The following AKAP12 variants were observed in gnomAD, a reference collection of about 807,000 sequenced individuals.
AKAP12 encodes the protein A-kinase anchoring protein 12.
A neutral mutation model predicts 79.9 loss-of-function variants in AKAP12; 32 were observed. The observed-to-expected ratio is 0.40, with a 90% confidence interval of 0.30 to 0.54. The LOEUF (loss-of-function observed/expected upper bound fraction) is 0.54. Among genes scored for constraint, AKAP12 ranks in the 20% least tolerant of loss-of-function variants. The pLI, the probability that AKAP12 is intolerant of heterozygous loss-of-function variation, is 0.48. For missense variants in AKAP12, 2,074 were observed against 2,177.0 expected (o/e 0.95, Z 0.94); for synonymous variants, 808 against 857.0 (o/e 0.94, Z 1.00).
At position 151,327,912 on chromosome 6, in the gene AKAP12, A is replaced by G. The variant is rs192923665; in HGVS notation, c.320-20799A>G. ...ATCTTACGTAGTGGAAAAAGTAAAA[A>G]TGAAAGGGAGTTTCAGCTGTCATTT... On this transcript the variant is annotated intron_variant, in intron 3 of 4. Coordinates refer to ENST00000402676, the MANE Select transcript of AKAP12 (RefSeq NM_005100.4). 5.3e-4 allele frequency among the ~76,000 whole-genome samples: 80 copies of G among 152,360 alleles called. 1 individual carries two copies. The highest frequency in any genetic ancestry group is 1.9e-3 in the African/African-American group (77 of 41,588).
chr6:151,306,719 T>TTCTTC (rs1365218592), intron 3 of AKAP12, among the ~76,000 whole-genome samples: 1 of 152,208 alleles, frequency 6.6e-6, no homozygotes, highest in Non-Finnish European at 1.5e-5. Flanking sequence ...TTTCTTCTTG[T>TTCTTC]TTGATGCCCC....
chr6:151,324,531 G>A lies in AKAP12; in HGVS notation c.319+18628G>A, dbSNP rs921775788. 22 of 985,320 alleles carry A rather than the reference G, an allele frequency of 2.2e-5. No individual in the cohort carries two copies. The African/African-American group carries it at 3.7e-4, about 16-fold the overall frequency. The allele number at this position is 985,320 out of a possible 1,614,324, so 61.0% of individuals were successfully genotyped here. A position where few individuals can be genotyped will look rare whatever the true frequency, so the allele number is the denominator to read the frequency against. On this transcript the variant is annotated intron_variant, in intron 3 of 4. Transcript: ENST00000402676. The stretch of plus-strand genomic sequence containing the variant: ...CCTTCTCTTTGCTGTGCCCACTGTG[G>A]TCTACGCCGAGGCTCCCCTCCCTCC...
chr6:151,253,499 T>A (rs767436861), intron 2 of AKAP12, among the ~76,000 whole-genome samples: 1 of 151,966 alleles, frequency 6.6e-6, no homozygotes, highest in Admixed American at 6.6e-5. Flanking sequence ...AAATTAAAAT[T>A]ACAGGCATGA....
chr6:151,240,452 A>C lies in AKAP12; in HGVS notation c.-111A>C. ...GTTCGCAGTCGGCTGGCGGCGAAGG[A>C]AGGCGCTCTCGGGACCTCGCGGGCG... is the stretch of plus-strand genomic sequence containing the variant. On this transcript the variant is annotated 5_prime_UTR_variant, in exon 2 of 5. Coordinates refer to ENST00000402676, the MANE Select transcript of AKAP12 (RefSeq NM_005100.4). 1 of 1,201,706 alleles carries C rather than the reference A, an allele frequency of 8.3e-7. No homozygotes were observed. 74.4% of individuals were successfully genotyped at this position (1,201,706 alleles called of 1,614,324 possible).
chr6:151,348,802 TG>T lies in AKAP12; in HGVS notation c.414del (p.Gln139ArgfsTer7). The T allele has an allele frequency of 1.2e-6, 2 of 1,610,044 alleles. No individual in the cohort carries two copies. The highest frequency in any genetic ancestry group is 1.7e-6 in the Non-Finnish European group (2 of 1,178,394). On this transcript the variant is annotated frameshift_variant, in exon 4 of 5. Transcript: ENST00000402676. LOFTEE classifies it high-confidence loss of function. ...CGGTTGTTCACGACATCACAGATGA[TG>T]GGCAGGAGGAGACACCCGAAATAAT... ...SAVVHDITDD[G>X]QEETPEIIEQ...
At chr6:151,276,617 C>T (rs1447366939) in intron 2 of AKAP12, among the ~76,000 whole-genome samples, 3 of 152,350 alleles carry the variant, frequency 2.0e-5, no homozygotes, top group South Asian at 2.1e-4. Flanking sequence ...TCCCAGTGGA[C>T]GGAGCCTCCC....
chr6:151,266,173 G>T (rs1463359178), intron 2 of AKAP12, among the ~76,000 whole-genome samples: 1 of 152,228 alleles, frequency 6.6e-6, no homozygotes, highest in Admixed American at 6.5e-5. Context: ...ACTTGCATGA[G>T]AAGTGAAGAC....
At chr6:151,292,723 A>T (rs1208802917) in intron 2 of AKAP12, among the ~76,000 whole-genome samples, 1 of 152,198 alleles carries the variant, frequency 6.6e-6, no homozygotes, top group Non-Finnish European at 1.5e-5. Flanking sequence ...ACCTCCCTGT[A>T]TTGCAGCTGT....
At chr6:151,273,384 G>A (rs1050946522) in intron 2 of AKAP12, among the ~76,000 whole-genome samples, 5 of 152,172 alleles carry the variant, frequency 3.3e-5, no homozygotes, top group Admixed American at 3.3e-4. Context: ...TCCCTGTGGG[G>A]TACTATGGTA....
At chr6:151,274,505 T>C (rs1030546899) in intron 2 of AKAP12, among the ~76,000 whole-genome samples, 6 of 152,188 alleles carry the variant, frequency 3.9e-5, no homozygotes, top group African/African-American at 1.4e-4. Context: ...AAACATTTTG[T>C]TGGGAATGTT....
At position 151,333,231 on chromosome 6, in the gene AKAP12, T is replaced by C. The variant is rs1457962321; in HGVS notation, c.320-15480T>C. Among the ~76,000 whole-genome samples, 7 of 152,156 alleles carry C rather than the reference T, an allele frequency of 4.6e-5. No individual in the cohort carries two copies. In the East Asian group the frequency reaches 1.4e-3, roughly 29 times the overall value. On this transcript the variant is annotated intron_variant, in intron 3 of 4. Transcript: ENST00000402676. ...GTGCCAGGCCTGCACGGGTTAGCACTGGCTGCCTGTCCTGGAAGCCCCCTC... is the reference window on the plus strand; with the variant it reads ...GTGCCAGGCCTGCACGGGTTAGCACCGGCTGCCTGTCCTGGAAGCCCCCTC...
At chr6:151,325,998 C>A (rs1777514052) in intron 3 of AKAP12, 2 of 1,444,574 alleles carry the variant, frequency 1.4e-6, no homozygotes, top group Non-Finnish European at 1.9e-6. Flanking sequence ...AGGTCAGTGG[C>A]GGGACCGTTA....
chr6:151,352,051 G>A lies in AKAP12; in HGVS notation c.3660G>A (p.Arg1220=). Residue 1220 remains arginine, a synonymous_variant, in exon 4 of 5, where the codon AGG becomes AGA. Coordinates refer to ENST00000402676, the MANE Select transcript of AKAP12 (RefSeq NM_005100.4). ...EAEAVPAQKE[R]PPAPSSFVFQ... is the part of the protein sequence containing the mutation. ...AGGCAGTTCCTGCACAGAAAGAGAG[G>A]CCTCCAGCACCTTCCAGTTTTGTGT... 1 of 1,614,090 alleles carries A rather than the reference G, an allele frequency of 6.2e-7. No individual in the cohort carries two copies. The highest frequency in any genetic ancestry group is 8.5e-7 in the Non-Finnish European group (1 of 1,180,028).
In AKAP12 at chr6:151,356,198, C is replaced by T. The variant is rs1156855258; in HGVS notation, c.*484C>T. ...TGTGCCATAGTGCAGGCTTGGGGAGCTTTAAGCCTCAGTTATATAACCCAC... is the reference window on the plus strand; with the variant it reads ...TGTGCCATAGTGCAGGCTTGGGGAGTTTTAAGCCTCAGTTATATAACCCAC... On this transcript the variant is annotated 3_prime_UTR_variant, in exon 5 of 5. Coordinates refer to ENST00000402676, the MANE Select transcript of AKAP12 (RefSeq NM_005100.4). 6.6e-6 allele frequency: 1 copy of T among 152,554 alleles called. No homozygotes were observed. The highest frequency in any genetic ancestry group is 1.5e-5 in the Non-Finnish European group (1 of 68,034). 9.5% of individuals were successfully genotyped at this position (152,554 alleles called of 1,614,324 possible). A position where few individuals can be genotyped will look rare whatever the true frequency, so the allele number is the denominator to read the frequency against.
rs1380656207 is a variant in AKAP12 at position 151,352,359 on chromosome 6, A to G, written c.3968A>G (p.Gln1323Arg). The part of the protein sequence containing the change: ...ECKKDDALEL[Q>R]SHAKSPPSPV... ...AAAAAGGATGATGCTCTTGAACTGC[A>G]GAGTCACGCTAAGTCTCCTCCATCC... The change falls in exon 4 of 5, where the codon CAG becomes CGG. Residue 1323 changes from glutamine to arginine, a missense_variant. By Grantham distance (43) the Gln-to-Arg change is conservative (BLOSUM62 1). Around this residue, in one of 3 missense-constraint regions of AKAP12, gnomAD observed 614 missense variants for 665.6 expected, o/e 0.92. Coordinates refer to ENST00000402676, the MANE Select transcript of AKAP12 (RefSeq NM_005100.4). 1.2e-6 allele frequency: 2 copies of G among 1,614,230 alleles called. No homozygotes were observed. The highest frequency in any genetic ancestry group is 1.3e-5 in the African/African-American group (1 of 75,064).
At chr6:151,288,491 G>A (rs1280364926) in intron 2 of AKAP12, among the ~76,000 whole-genome samples, 2 of 152,252 alleles carry the variant, frequency 1.3e-5, no homozygotes, top group East Asian at 3.9e-4. Context: ...CAGCCTGGGG[G>A]ACAGAGCAAG....
chr6:151,246,156 C>A (rs1001237754), intron 2 of AKAP12, among the ~76,000 whole-genome samples: 1 of 152,226 alleles, frequency 6.6e-6, no homozygotes, highest in African/African-American at 2.4e-5. Context: ...CGGTGGCTCA[C>A]GCCTGTAATC....
chr6:151,333,175 T>C (rs1777721459), intron 3 of AKAP12, among the ~76,000 whole-genome samples: 1 of 152,074 alleles, frequency 6.6e-6, no homozygotes, highest in South Asian at 2.1e-4. Context: ...CGGAAAGCTG[T>C]GATGAAGGGT....
intron 2 of AKAP12, among the ~76,000 whole-genome samples, chr6:151,241,058 G>A (rs1562702349): frequency 6.6e-6 from 1 of 152,096 alleles, no homozygotes; most frequent in Non-Finnish European, 1.5e-5. Context: ...TGCAGCCCGA[G>A]GCGGAGGAGC....
Sources: gnomAD v4.1 joint callset for allele counts (sites outside exome capture counted in the v4.1 genomes callset) on GRCh38, gnomAD v4.1.1 for gene constraint, gnomAD v4.1.1 regional missense constraint, MANE v1.5 for transcripts, NCBI Gene and HGNC (gene_info 2026-07-23, HGNC 2026-07-21) for gene names.